The following AQP1 variants were observed in gnomAD, a reference collection of about 807,000 sequenced individuals.
AQP1 encodes the protein aquaporin 1 (Colton blood group).
AQP1 carries 11 observed loss-of-function variants against 19.7 expected under a neutral mutation model. That is an observed-to-expected ratio of 0.56 (90% CI 0.35 to 0.92). The LOEUF is 0.92. Ranked by LOEUF, AQP1 falls within the 40% of genes least tolerant of loss-of-function variation. The pLI, the probability that AQP1 is intolerant of heterozygous loss-of-function variation, is 0.01. For synonymous variants in AQP1, 159 were observed against 166.7 expected (o/e 0.95, Z 0.36); for missense variants, 320 against 369.7 (o/e 0.87, Z 1.10).
intron 1 of AQP1, chr7:30,921,334 G>T: frequency 7.4e-7 from 1 of 1,354,690 alleles, no homozygotes; most frequent in Non-Finnish European, 9.5e-7. Flanking sequence ...CAGCCAGACG[G>T]TGGTGGCGGG....
At chr7:30,916,224 C>A (rs763096236) in intron 1 of AQP1, among the ~76,000 whole-genome samples, 1 of 152,190 alleles carries the variant, frequency 6.6e-6, no homozygotes, top group African/African-American at 2.4e-5. Context: ...CTGAGGGGCT[C>A]ACCCCCTGCT....
At chr7:30,921,336 G>GTAA in intron 1 of AQP1, 1 of 1,354,776 alleles carries the variant, frequency 7.4e-7, no homozygotes, top group Non-Finnish European at 9.5e-7. Flanking sequence ...GCCAGACGGT[G>GTAA]GTGGCGGGGC....
At position 30,912,134 on chromosome 7, in the gene AQP1, C is replaced by T; in HGVS notation, c.225C>T (p.Leu75=). The T allele has an allele frequency of 6.2e-7, 1 of 1,613,188 alleles. No individual in the cohort carries two copies. Among genetic ancestry groups the T allele is most frequent in the Non-Finnish European group, 8.5e-7 (1 of 1,180,038 alleles). ...TGGGCCACATCAGCGGCGCCCACCT[C>T]AACCCGGCTGTCACACTGGGGCTGC... ...QSVGHISGAH[L]NPAVTLGLLL... is the part of the protein sequence containing the mutation. The change falls in exon 1 of 4, where the codon CTC becomes CTT. Residue 75 remains leucine (L), a synonymous_variant. Transcript: ENST00000311813. This position sits in a 1 kb window ranked among gnomAD's most constrained non-coding sequence, Gnocchi z 4.3.
At chr7:30,920,349 G>C (rs1319359811) in intron 1 of AQP1, among the ~76,000 whole-genome samples, 1 of 152,170 alleles carries the variant, frequency 6.6e-6, no homozygotes, top group Non-Finnish European at 1.5e-5. Context: ...GTGCAAGTGT[G>C]GGTGGGCATC....
At position 30,925,411 on chromosome 7, in the gene AQP1, C is replaced by G. The variant is rs553962146; in HGVS notation, c.*1782C>G. 6 of 152,368 alleles carry G rather than the reference C, an allele frequency of 3.9e-5. 1 individual carries two copies. Among genetic ancestry groups the G allele is most frequent in the African/African-American group, 1.4e-4 (6 of 41,558 alleles). 9.4% of individuals were successfully genotyped at this position (152,368 alleles called of 1,614,324 possible). On this transcript the variant is annotated 3_prime_UTR_variant, in exon 4 of 4. Coordinates refer to ENST00000311813, the MANE Select transcript of AQP1 (RefSeq NM_198098.4). ...CACCCACCCCCTGCCTGGTTCTAGG[C>G]TGCTGCACACCAAGGCCCTGCATCT...
rs1791596093 is a variant in AQP1, at chr7:30,923,734, G to C, written c.*105G>C. On this transcript the variant is annotated 3_prime_UTR_variant, in exon 4 of 4. Coordinates refer to ENST00000311813, the MANE Select transcript of AQP1 (RefSeq NM_198098.4). The surrounding 1 kb of genome is among the most constrained non-coding windows in gnomAD (Gnocchi z 4.8). ...TAGACACTCTGACAAGCTGGCCAAA[G>C]TCACTTCCCCAAGATCTGCCAGACC... 6.7e-7 allele frequency: 1 copy of C among 1,503,108 alleles called. No homozygotes were observed. The allele number at this position is 1,503,108 out of a possible 1,614,324, so 93.1% of individuals were successfully genotyped here.
intron 1 of AQP1, among the ~76,000 whole-genome samples, chr7:30,918,356 A>G (rs1584385295): frequency 1.3e-5 from 2 of 152,228 alleles, no homozygotes; most frequent in East Asian, 3.9e-4. Flanking sequence ...CTAACAAAAA[A>G]GAGAAAGAGG....
rs2128590899 is a variant in AQP1, at chr7:30,922,549, T to C, written c.550-15T>C. 1.2e-6 allele frequency: 2 copies of C among 1,612,262 alleles called. No individual in the cohort carries two copies. Among genetic ancestry groups the C allele is most frequent in the Non-Finnish European group, 1.7e-6 (2 of 1,178,268 alleles). On this transcript the variant is annotated splice_polypyrimidine_tract_variant and intron_variant, in intron 2 of 3. Transcript: ENST00000311813. ...TCTCTGCCTTCGCCCCTCCCTCTGT[T>C]TCTTTCCCTCACAGATTGACTACAC... is the stretch of plus-strand genomic sequence containing the variant.
At position 30,912,236 on chromosome 7, in the gene AQP1, C is replaced by T. The variant is rs371290302; in HGVS notation, c.327C>T (p.Thr109=). ...IAQCVGAIVA[T]AILSGITSSL... ...AGTGCGTGGGGGCCATCGTCGCCAC[C>T]GCCATCCTCTCAGGCATCACCTCCT... Residue 109 remains threonine, a synonymous_variant, in exon 1 of 4, where the codon ACC becomes ACT. Transcript: ENST00000311813. This position sits in a 1 kb window ranked among gnomAD's most constrained non-coding sequence, Gnocchi z 4.3. 35 of 1,608,716 alleles carry T rather than the reference C, an allele frequency of 2.2e-5. No homozygotes were observed. The highest frequency in any genetic ancestry group is 7.7e-5 in the South Asian group (7 of 91,078).
Position 30,923,947 on chromosome 7 carries a change from T to TC in AQP1, c.*324dup, listed in dbSNP as rs1202957573. 6 of 1,418,688 alleles carry TC rather than the reference T, an allele frequency of 4.2e-6. No homozygotes were observed. The highest frequency in any genetic ancestry group is 5.6e-6 in the Non-Finnish European group (6 of 1,066,354). 87.9% of individuals were successfully genotyped at this position (1,418,688 alleles called of 1,614,324 possible). Reference sequence around the variant, plus strand: ...GCATGATGGGAGGTGTGCCAGAAAGTCCCCCCTCGCCCCAAAGTTGCTCAC... The same window carrying TC: ...GCATGATGGGAGGTGTGCCAGAAAGTCCCCCCCTCGCCCCAAAGTTGCTCAC... On this transcript the variant is annotated 3_prime_UTR_variant, in exon 4 of 4. Coordinates refer to ENST00000311813, the MANE Select transcript of AQP1 (RefSeq NM_198098.4). This position sits in a 1 kb window ranked among gnomAD's most constrained non-coding sequence, Gnocchi z 4.8.
At chr7:30,918,931 G>C (rs1475403095) in intron 1 of AQP1, among the ~76,000 whole-genome samples, 1 of 152,182 alleles carries the variant, frequency 6.6e-6, no homozygotes, top group Non-Finnish European at 1.5e-5. Flanking sequence ...TGGCTTTGCT[G>C]CATCCTCCCT....
intron 1 of AQP1, among the ~76,000 whole-genome samples, chr7:30,914,226 G>A (rs1485595193): frequency 6.6e-6 from 1 of 152,224 alleles, no homozygotes; most frequent in East Asian, 1.9e-4. Context: ...AGAAAGAGGA[G>A]CAGCCTAGTG....
chr7:30,911,867 A>G lies in AQP1; in HGVS notation c.-43A>G. 6.2e-7 allele frequency: 1 copy of G among 1,611,406 alleles called. No individual in the cohort carries two copies. The highest frequency in any genetic ancestry group is 1.1e-5 in the South Asian group (1 of 90,890). ...GGCTGTGGCTCAGCTCTCAGAGGGAATTGAGCACCCGGCAGCGGTCTCAGG... is the reference window on the plus strand; with the variant it reads ...GGCTGTGGCTCAGCTCTCAGAGGGAGTTGAGCACCCGGCAGCGGTCTCAGG... On this transcript the variant is annotated 5_prime_UTR_variant, in exon 1 of 4. Coordinates refer to ENST00000311813, the MANE Select transcript of AQP1 (RefSeq NM_198098.4).
Position 30,924,122 on chromosome 7 carries a change from T to TAA in AQP1, c.*493_*494insAA, listed in dbSNP as rs1442953866. On this transcript the variant is annotated 3_prime_UTR_variant, in exon 4 of 4. Transcript: ENST00000311813. ...GAGGTGCAGTGGAGGGGGCAAGCTTTGCTCCTTCAGTTCTGCTTGCTCCCA... is the reference window on the plus strand; with the variant it reads ...GAGGTGCAGTGGAGGGGGCAAGCTTTAAGCTCCTTCAGTTCTGCTTGCTCCCA... 5.0e-6 allele frequency: 6 copies of TAA among 1,193,266 alleles called. No individual in the cohort carries two copies. In the East Asian group the frequency reaches 3.4e-4, roughly 67 times the overall value. 73.9% of individuals were successfully genotyped at this position (1,193,266 alleles called of 1,614,324 possible).
Position 30,912,286 on chromosome 7 carries a change from G to T in AQP1, c.377G>T (p.Arg126Leu). 2 of 1,600,814 alleles carry T rather than the reference G, an allele frequency of 1.2e-6. No individual in the cohort carries two copies. Among genetic ancestry groups the T allele is most frequent in the Non-Finnish European group, 1.7e-6 (2 of 1,179,216 alleles). The part of the protein sequence containing the change: ...TSSLTGNSLG[R>L]NDLADGVNSG... Reference sequence around the variant, plus strand: ...TCCCTGACTGGGAACTCGCTTGGCCGCAATGACGTGAGTGGGGTGTCCCTG... The same window carrying T: ...TCCCTGACTGGGAACTCGCTTGGCCTCAATGACGTGAGTGGGGTGTCCCTG... Residue 126 changes from arginine (R) to leucine (L), a missense_variant, in exon 1 of 4, where the codon CGC becomes CTC. Arg to Leu is a moderately radical substitution (Grantham distance 102, BLOSUM62 -2). Coordinates refer to ENST00000311813, the MANE Select transcript of AQP1 (RefSeq NM_198098.4). The surrounding 1 kb of genome is among the most constrained non-coding windows in gnomAD (Gnocchi z 4.3).
intron 1 of AQP1, chr7:30,921,255 C>A (rs1039306072): frequency 8.4e-7 from 1 of 1,189,048 alleles, no homozygotes; most frequent in Admixed American, 4.0e-5. Context: ...CCTTCATGAC[C>A]TCACAGCAGC....
intron 1 of AQP1, among the ~76,000 whole-genome samples, chr7:30,920,793 C>T (rs1249245275): frequency 6.6e-6 from 1 of 152,216 alleles, no homozygotes; most frequent in Non-Finnish European, 1.5e-5. Flanking sequence ...AGGGATGTAG[C>T]CCTGGGGTCC....
rs1012434415 is a variant in AQP1 at position 30,923,884 on chromosome 7, G to T, written c.*255G>T. On this transcript the variant is annotated 3_prime_UTR_variant, in exon 4 of 4. Coordinates refer to ENST00000311813, the MANE Select transcript of AQP1 (RefSeq NM_198098.4). This position sits in a 1 kb window ranked among gnomAD's most constrained non-coding sequence, Gnocchi z 4.8. Reference sequence around the variant, plus strand: ...CCACTCCCTTGAAGTTGTGGAGGAGGTGAAAGAAAGGGACCCACCTGCTAG... The same window carrying T: ...CCACTCCCTTGAAGTTGTGGAGGAGTTGAAAGAAAGGGACCCACCTGCTAG... 1 of 1,490,480 alleles carries T rather than the reference G, an allele frequency of 6.7e-7. No homozygotes were observed. The highest frequency in any genetic ancestry group is 1.8e-5 in the Admixed American group (1 of 55,198). The allele number at this position is 1,490,480 out of a possible 1,614,324, so 92.3% of individuals were successfully genotyped here. A position where few individuals can be genotyped will look rare whatever the true frequency, so the allele number is the denominator to read the frequency against.
chr7:30,923,700 T>A lies in AQP1; in HGVS notation c.*71T>A. ...GGGCGGAGGGAGGGGAGGGGTGAAA[T>A]CCATACTGTAGACACTCTGACAAGC... On this transcript the variant is annotated 3_prime_UTR_variant, in exon 4 of 4. Coordinates refer to ENST00000311813, the MANE Select transcript of AQP1 (RefSeq NM_198098.4). The surrounding 1 kb of genome is among the most constrained non-coding windows in gnomAD (Gnocchi z 4.8). 6.6e-7 allele frequency: 1 copy of A among 1,521,930 alleles called. No homozygotes were observed. Among genetic ancestry groups the A allele is most frequent in the Non-Finnish European group, 8.8e-7 (1 of 1,132,972 alleles). The allele number at this position is 1,521,930 out of a possible 1,614,324, so 94.3% of individuals were successfully genotyped here.
Sources: gnomAD v4.1 joint callset for allele counts (sites outside exome capture counted in the v4.1 genomes callset) on GRCh38, gnomAD v4.1.1 for gene constraint, Gnocchi (gnomAD v3.1) non-coding constraint, MANE v1.5 for transcripts, NCBI Gene and HGNC (gene_info 2026-07-23, HGNC 2026-07-21) for gene names.